The following INPP5A variants were observed in gnomAD, a reference collection of about 807,000 sequenced individuals.
INPP5A encodes 43 kDa inositol polyphosphate 5-phophatase.
Under a neutral mutation model 65.2 loss-of-function variants are expected in INPP5A, and 14 were observed. That is an observed-to-expected ratio of 0.21 (90% CI 0.14 to 0.34). The LOEUF is 0.34. INPP5A is among the 10% of genes least tolerant of loss of function. The pLI is 1.00. For synonymous variants in INPP5A, 207 were observed against 208.3 expected, an observed-to-expected ratio of 0.99 and a Z score of 0.05; for missense variants, 431 against 545.6, an observed-to-expected ratio of 0.79 and a Z score of 2.09.
intron 4 of INPP5A, among the ~76,000 whole-genome samples, chr10:132,672,710 G>C (rs2072907605): frequency 6.6e-6 from 1 of 152,142 alleles, no homozygotes. Context: ...TCCTAAGTTT[G>C]GAAAAACGTG....
chr10:132,574,471 C>G (rs922338020), intron 1 of INPP5A, among the ~76,000 whole-genome samples: 2 of 141,494 alleles, frequency 1.4e-5, no homozygotes, highest in Non-Finnish European at 3.1e-5. Flanking sequence ...GGGTGTGTGT[C>G]CTGTGTGAGG....
intron 1 of INPP5A, among the ~76,000 whole-genome samples, chr10:132,566,586 A>G (rs1348288365): frequency 4.6e-5 from 7 of 152,274 alleles, no homozygotes; most frequent in Admixed American, 3.3e-4. Context: ...CCCTGTTTTC[A>G]TAAGTTAATA....
At chr10:132,599,600 C>A (rs559909678) in intron 1 of INPP5A, among the ~76,000 whole-genome samples, 42 of 152,358 alleles carry the variant, frequency 2.8e-4, no homozygotes, top group African/African-American at 9.9e-4. Flanking sequence ...GATGGTGGCC[C>A]TCTTCTCACA....
chr10:132,680,241 C>G (rs1055105892), intron 4 of INPP5A, among the ~76,000 whole-genome samples: 5 of 152,088 alleles, frequency 3.3e-5, no homozygotes, highest in African/African-American at 1.2e-4. Flanking sequence ...TAGAGAACTC[C>G]GAAAACTCAA....
intron 1 of INPP5A, among the ~76,000 whole-genome samples, chr10:132,542,804 CCTTTT>C: frequency 6.6e-6 from 1 of 152,252 alleles, no homozygotes; most frequent in African/African-American, 2.4e-5. Flanking sequence ...ATTTCTTTTT[CCTTTT>C]CTTTTTTGTT....
chr10:132,646,444 C>G (rs1295757354), intron 3 of INPP5A, among the ~76,000 whole-genome samples: 2 of 152,160 alleles, frequency 1.3e-5, no homozygotes, highest in Non-Finnish European at 2.9e-5. Context: ...ACAGGGCCGG[C>G]CCAACTGGGT....
intron 9 of INPP5A, among the ~76,000 whole-genome samples, chr10:132,736,901 G>T (rs543548292): frequency 7.9e-5 from 12 of 152,312 alleles, no homozygotes; most frequent in African/African-American, 2.9e-4. Context: ...TCTGGTTACC[G>T]GCTGCCTTGT....
At chr10:132,730,294 C>G (rs769869057) in intron 9 of INPP5A, among the ~76,000 whole-genome samples, 3 of 152,232 alleles carry the variant, frequency 2.0e-5, no homozygotes, top group Non-Finnish European at 4.4e-5. Context: ...ACCCATCTGC[C>G]TCCGCCCCCA....
At chr10:132,612,563 C>T (rs1358401001) in intron 2 of INPP5A, among the ~76,000 whole-genome samples, 2 of 151,614 alleles carry the variant, frequency 1.3e-5, no homozygotes, top group Non-Finnish European at 2.9e-5. Context: ...GCCTGGCACT[C>T]CTAGGGCTGC....
intron 1 of INPP5A, among the ~76,000 whole-genome samples, chr10:132,596,167 C>T (rs909653078): frequency 6.6e-6 from 1 of 152,186 alleles, no homozygotes; most frequent in Non-Finnish European, 1.5e-5. Flanking sequence ...GCCAGAGCTG[C>T]TCCTGGGAAA....
chr10:132,569,835 A>G (rs2133282368), intron 1 of INPP5A, among the ~76,000 whole-genome samples: 1 of 144,380 alleles, frequency 6.9e-6, no homozygotes, highest in African/African-American at 2.6e-5. Context: ...AATTTTTAGT[A>G]GAGATGGGGT....
At position 132,727,747 on chromosome 10, in the gene INPP5A, C is replaced by A. The variant is rs1047799255; in HGVS notation, c.732+842C>A. Among the ~76,000 whole-genome samples, 1 of 152,090 alleles carries A rather than the reference C, an allele frequency of 6.6e-6. No homozygotes were observed. Among genetic ancestry groups the A allele is most frequent in the Non-Finnish European group, 1.5e-5 (1 of 68,020 alleles). On this transcript the variant is annotated intron_variant, in intron 9 of 15. Transcript: ENST00000368594. This position sits in a 1 kb window ranked among gnomAD's most constrained non-coding sequence, Gnocchi z 6.5. ...CTGGGCATGAGCTGACAGCCCACAG[C>A]GGGGCCACAGTAAGTTGGATGGGGC...
Position 132,676,902 on chromosome 10 carries a change from C to CCCCCACCGTCACCCAGG in INPP5A, c.307-13489_307-13488insCCCACCGTCACCCAGGC, listed in dbSNP as rs1381915147. 6.6e-6 allele frequency among the ~76,000 whole-genome samples: 1 copy of CCCCCACCGTCACCCAGG among 152,074 alleles called. No homozygotes were observed. The highest frequency in any genetic ancestry group is 1.5e-5 in the Non-Finnish European group (1 of 67,972). ...GCTGAGTCTTCCCCAGCTTTGAGGC[C>CCCCCACCGTCACCCAGG]CATCCACATGGTGACCCCCACCGTC... On this transcript the variant is annotated intron_variant, in intron 4 of 15. Transcript: ENST00000368594. This position sits in a 1 kb window ranked among gnomAD's most constrained non-coding sequence, Gnocchi z 4.0.
At position 132,555,231 on chromosome 10, in the gene INPP5A, A is replaced by G. The variant is rs1251464377; in HGVS notation, c.75+17060A>G. On this transcript the variant is annotated intron_variant, in intron 1 of 15. Coordinates refer to ENST00000368594, the MANE Select transcript of INPP5A (RefSeq NM_005539.5). This position sits in a 1 kb window ranked among gnomAD's most constrained non-coding sequence, Gnocchi z 4.4. ...GCTGCAGGCTGGGTGGTGATATGTG[A>G]TGGTGCTCAGGCCCCTGTTCCTTCA... Among the ~76,000 whole-genome samples, 4 of 151,714 alleles carry G rather than the reference A, an allele frequency of 2.6e-5. No homozygotes were observed. The highest frequency in any genetic ancestry group is 9.7e-5 in the African/African-American group (4 of 41,260).
intron 2 of INPP5A, among the ~76,000 whole-genome samples, chr10:132,630,934 G>T (rs879821807): frequency 1.3e-5 from 2 of 152,168 alleles, no homozygotes; most frequent in Non-Finnish European, 2.9e-5. Context: ...GCAGCTTCTG[G>T]CTCCATCTGC....
intron 2 of INPP5A, among the ~76,000 whole-genome samples, chr10:132,630,324 G>T (rs889043036): frequency 1.3e-5 from 2 of 151,188 alleles, no homozygotes; most frequent in African/African-American, 2.4e-5. Flanking sequence ...GTGAGGGGAG[G>T]GTGTCCTCTA....
intron 8 of INPP5A, among the ~76,000 whole-genome samples, chr10:132,724,120 G>A (rs564404757): frequency 1.3e-5 from 2 of 151,428 alleles, no homozygotes; most frequent in East Asian, 3.9e-4. Context: ...CAACAAGAAG[G>A]ACTTCCCTAT....
Position 132,638,000 on chromosome 10 carries a change from T to C in INPP5A, c.118-7868T>C, listed in dbSNP as rs573379218. Reference sequence around the variant, plus strand: ...GATTCCTAATTTAATAGCACCCTCTTGTGTTGGTATTGCAAAGTCCAAGTG... The same window carrying C: ...GATTCCTAATTTAATAGCACCCTCTCGTGTTGGTATTGCAAAGTCCAAGTG... On this transcript the variant is annotated intron_variant, in intron 2 of 15. Transcript: ENST00000368594. This position sits in a 1 kb window ranked among gnomAD's most constrained non-coding sequence, Gnocchi z 4.1. 5.2e-4 allele frequency among the ~76,000 whole-genome samples: 79 copies of C among 152,266 alleles called. No individual in the cohort carries two copies. Among genetic ancestry groups the C allele is most frequent in the Non-Finnish European group, 2.5e-4 (17 of 68,016 alleles).
intron 1 of INPP5A, among the ~76,000 whole-genome samples, chr10:132,604,737 G>C (rs2071824100): frequency 6.6e-6 from 1 of 152,186 alleles, no homozygotes; most frequent in African/African-American, 2.4e-5. Flanking sequence ...TGGGATTAGG[G>C]GTCACCTATT....
Sources: gnomAD v4.1 joint callset for allele counts (sites outside exome capture counted in the v4.1 genomes callset) on GRCh38, gnomAD v4.1.1 for gene constraint, Gnocchi (gnomAD v3.1) non-coding constraint, MANE v1.5 for transcripts, NCBI Gene and HGNC (gene_info 2026-07-23, HGNC 2026-07-21) for gene names.